The following OXR1 variants were observed in gnomAD, a reference collection of about 807,000 sequenced individuals.
OXR1 encodes the protein oxidation resistance protein 1.
A neutral mutation model predicts 104.6 loss-of-function variants in OXR1; 41 were observed. The observed-to-expected ratio is 0.39, with a 90% CI of 0.31 to 0.51. The LOEUF (loss-of-function observed/expected upper bound fraction) is 0.51, where lower values mean the gene tolerates loss of function less well. Among genes scored for constraint, OXR1 ranks in the 20% least tolerant of loss-of-function variants. The pLI is 0.77. For synonymous variants in OXR1, 348 were observed against 348.4 expected (o/e 1.00, Z 0.01); for missense variants, 955 against 1,031.9 (o/e 0.93, Z 1.02).
intron 2 of OXR1, among the ~76,000 whole-genome samples, chr8:106,464,766 A>G (rs1334843930): frequency 3.3e-5 from 5 of 151,976 alleles, no homozygotes; most frequent in African/African-American, 4.8e-5. Context: ...CATTTATTTG[A>G]TGAGTATTTA....
intron 2 of OXR1, among the ~76,000 whole-genome samples, chr8:106,411,816 A>G (rs1246627181): frequency 6.6e-6 from 1 of 152,086 alleles, no homozygotes; most frequent in Non-Finnish European, 1.5e-5. Context: ...TGGGGGCCCC[A>G]CCCATTCAGG....
chr8:106,647,190 G>A (rs950905300), intron 3 of OXR1, among the ~76,000 whole-genome samples: 1 of 152,124 alleles, frequency 6.6e-6, no homozygotes, highest in East Asian at 1.9e-4. Flanking sequence ...AACACCTTTT[G>A]GACAATTTTC....
intron 2 of OXR1, among the ~76,000 whole-genome samples, chr8:106,454,824 T>G (rs948409414): frequency 1.3e-5 from 2 of 152,208 alleles, no homozygotes; most frequent in Non-Finnish European, 2.9e-5. Flanking sequence ...TTTTTGACTC[T>G]GTGTTGTTGC....
intron 1 of OXR1, among the ~76,000 whole-genome samples, chr8:106,274,662 C>T (rs1021617451): frequency 7.4e-6 from 1 of 135,372 alleles, no homozygotes; most frequent in African/African-American, 2.8e-5. Flanking sequence ...TTTTCTGCTT[C>T]TAGGTGGAAT....
chr8:106,593,595 G>A (rs1288029656), intron 3 of OXR1, among the ~76,000 whole-genome samples: 11 of 151,374 alleles, frequency 7.3e-5, no homozygotes, highest in East Asian at 2.0e-4. Flanking sequence ...TGGCTAACAC[G>A]GTGAAACCCC....
intron 2 of OXR1, among the ~76,000 whole-genome samples, chr8:106,371,322 TGTTA>T (rs1816697941): frequency 6.6e-6 from 1 of 152,128 alleles, no homozygotes; most frequent in African/African-American, 2.4e-5. Context: ...CAGTCTATTT[TGTTA>T]GTTTTTTCAA....
intron 3 of OXR1, chr8:106,618,113 T>C (rs71522785): frequency 0.029 from 43,865 of 1,535,998 alleles, 769 homozygotes; most frequent in Admixed American, 0.068. Context: ...TCTCCTCTTC[T>C]TGAAAGCAGC....
At chr8:106,323,407 C>T (rs1358015513) in intron 1 of OXR1, among the ~76,000 whole-genome samples, 1 of 152,108 alleles carries the variant, frequency 6.6e-6, no homozygotes, top group Non-Finnish European at 1.5e-5. Flanking sequence ...AAACCCAAAA[C>T]CCTGGAAGAC....
At chr8:106,684,148 G>C in intron 5 of OXR1, 98 bp from the exon 6 acceptor site, 1 of 607,770 alleles carries the variant, frequency 1.6e-6, no homozygotes, top group Non-Finnish European at 2.9e-6. Flanking sequence ...ATGTTTTTCT[G>C]TTTAATTGGT....
At position 106,359,504 on chromosome 8, in the gene OXR1, G is replaced by A; in HGVS notation, c.-110G>A. ...CTCTCAAACTGTGAGTAACTAAGTG[G>A]TTTGTGCATCATTCCAGAAGCAAAG... On this transcript the variant is annotated 5_prime_UTR_variant, in exon 2 of 17. Transcript: ENST00000517566. 4 of 761,134 alleles carry A rather than the reference G, an allele frequency of 5.3e-6. No individual in the cohort carries two copies. Among genetic ancestry groups the A allele is most frequent in the Non-Finnish European group, 9.3e-6 (4 of 429,082 alleles). 47.1% of individuals were successfully genotyped at this position (761,134 alleles called of 1,614,324 possible). A position where few individuals can be genotyped will look rare whatever the true frequency, so the allele number is the denominator to read the frequency against.
intron 3 of OXR1, among the ~76,000 whole-genome samples, chr8:106,637,291 T>C (rs1192949570): frequency 6.6e-6 from 1 of 152,106 alleles, no homozygotes; most frequent in East Asian, 1.9e-4. Flanking sequence ...TATTTTAAAA[T>C]TATGTTATGT....
chr8:106,635,759 A>G lies in OXR1; in HGVS notation c.221-43451A>G, dbSNP rs183907531. ...CATTGCACCCGGCCTCGAATTTTAGAAATAACTATAAGAAAGAAGTTTCTT... is the reference window on the plus strand; with the variant it reads ...CATTGCACCCGGCCTCGAATTTTAGGAATAACTATAAGAAAGAAGTTTCTT... On this transcript the variant is annotated intron_variant, in intron 3 of 16. Transcript: ENST00000517566. Among the ~76,000 whole-genome samples the G allele has an allele frequency of 2.0e-5, 3 of 152,240 alleles. No homozygotes were observed. In the East Asian group the frequency reaches 5.8e-4, roughly 29 times the overall value.
chr8:106,714,234 T>C (rs1446499750), intron 11 of OXR1, among the ~76,000 whole-genome samples: 7 of 152,036 alleles, frequency 4.6e-5, no homozygotes, highest in Non-Finnish European at 1.0e-4. Flanking sequence ...TTATTGAGTG[T>C]CTTATAGAAT....
chr8:106,653,301 A>G (rs1301531925), intron 3 of OXR1, among the ~76,000 whole-genome samples: 1 of 151,784 alleles, frequency 6.6e-6, no homozygotes, highest in Non-Finnish European at 1.5e-5. Context: ...CCAGACGAGG[A>G]TATCACAAGG....
chr8:106,672,000 A>C (rs1827046204), intron 3 of OXR1, among the ~76,000 whole-genome samples: 1 of 145,038 alleles, frequency 6.9e-6, no homozygotes, highest in Non-Finnish European at 1.5e-5. Flanking sequence ...AATAATAATA[A>C]TAATAAAAGG....
At chr8:106,455,982 TATTAA>T (rs1213126904) in intron 2 of OXR1, among the ~76,000 whole-genome samples, 1 of 152,350 alleles carries the variant, frequency 6.6e-6, no homozygotes, top group African/African-American at 2.4e-5. Context: ...AGTTTTTCAC[TATTAA>T]ATTCTGTAAA....
At chr8:106,321,838 G>GA (rs1814232308) in intron 1 of OXR1, among the ~76,000 whole-genome samples, 1 of 152,142 alleles carries the variant, frequency 6.6e-6, no homozygotes, top group African/African-American at 2.4e-5. Context: ...TTTGATGTTG[G>GA]AAAAACATGA....
chr8:106,591,305 G>A (rs1290015618), intron 3 of OXR1, among the ~76,000 whole-genome samples: 3 of 90,936 alleles, frequency 3.3e-5, no homozygotes, highest in Admixed American at 2.8e-4. Flanking sequence ...GGGGAGGGGG[G>A]AGGGGGGAGG....
chr8:106,352,567 C>A (rs191074894), intron 1 of OXR1, among the ~76,000 whole-genome samples: 36 of 152,292 alleles, frequency 2.4e-4, no homozygotes, highest in Non-Finnish European at 4.4e-4. Flanking sequence ...TGCATACAAA[C>A]TCAATCTCCT....
Sources: allele counts gnomAD v4.1 joint callset (sites outside exome capture counted in the v4.1 genomes callset), GRCh38; gene constraint gnomAD v4.1.1; transcripts MANE v1.5; gene names NCBI Gene and HGNC (gene_info 2026-07-23, HGNC 2026-07-21).